CGN: variants seen among roughly 807,000 people sequenced by gnomAD.
The protein encoded by CGN is cingulin.
CGN carries 121 observed loss-of-function variants against 157.1 expected under a neutral mutation model. The observed-to-expected ratio is 0.77, with a 90% CI of 0.66 to 0.90. The LOEUF is 0.90. Among genes scored for constraint, CGN ranks in the 40% least tolerant of loss-of-function variants. The pLI is 0.00. For missense variants in CGN, 1,424 were observed against 1,520.9 expected (o/e 0.94, Z 1.06); for synonymous variants, 535 against 607.5 (o/e 0.88, Z 1.76).
chr1:151,534,270 A>C, intron 15 of CGN, 134 bp downstream of exon 15: 1 of 865,760 alleles, frequency 1.2e-6, no homozygotes, highest in African/African-American at 1.8e-5. Context: ...CTTTGAATCA[A>C]TTGCCAATGT....
intron 18 of CGN, 90 bp from the exon 19 acceptor site, chr1:151,536,147 C>T (rs1470727361): frequency 2.3e-6 from 2 of 852,064 alleles, no homozygotes; most frequent in Non-Finnish European, 4.0e-6. Context: ...GAGCTCATGG[C>T]TGAGAGGAGT....
intron 1 of CGN, among the ~76,000 whole-genome samples, 195 bp from the exon 2 acceptor site, chr1:151,518,311 C>A (rs1410004167): frequency 6.6e-6 from 1 of 152,088 alleles, no homozygotes; most frequent in Non-Finnish European, 1.5e-5. Flanking sequence ...AAGTCCTAAC[C>A]CAGACCTACT....
Position 151,536,789 on chromosome 1 carries a change from G to A in CGN, c.3366G>A (p.Glu1122=). The change falls in exon 20 of 21, where the codon GAG becomes GAA. Residue 1122 remains glutamate, a synonymous_variant. Transcript: ENST00000271636. Reference sequence around the variant, plus strand: ...TGGATGAAGCAGAAGAGGAAATTGAGCGACTGGACGGCCTGAGGAAGAAGG... The same window carrying A: ...TGGATGAAGCAGAAGAGGAAATTGAACGACTGGACGGCCTGAGGAAGAAGG... ...RQVDEAEEEI[E]RLDGLRKKAQ... 6.2e-7 allele frequency: 1 copy of A among 1,614,158 alleles called. No individual in the cohort carries two copies. The highest frequency in any genetic ancestry group is 1.3e-5 in the African/African-American group (1 of 75,044).
Position 151,518,965 on chromosome 1 carries a change from C to A in CGN, c.446C>A (p.Pro149His), listed in dbSNP as rs764673258. ...CTGGCAGGCCCTGGCCCAGTGGATC[C>A]TAGTAACAGAAGCAACAGCATGCTG... ...ASLAGPGPVD[P>H]SNRSNSMLEL... Residue 149 changes from proline (P) to histidine (H), a missense_variant, in exon 2 of 21, where the codon CCT becomes CAT. Transcript: ENST00000271636. The A allele has an allele frequency of 5.6e-6, 9 of 1,614,040 alleles. No individual in the cohort carries two copies. Among genetic ancestry groups the A allele is most frequent in the Admixed American group, 1.7e-5 (1 of 60,004 alleles).
intron 4 of CGN, 52 bp downstream of exon 4, chr1:151,520,535 G>T: frequency 6.2e-7 from 1 of 1,610,418 alleles, no homozygotes; most frequent in South Asian, 1.1e-5. Flanking sequence ...AGCTTTGAGG[G>T]CCTCAGGGGA....
chr1:151,535,715 G>T, intron 17 of CGN, 32 bp downstream of exon 17: 1 of 1,608,856 alleles, frequency 6.2e-7, no homozygotes, highest in Non-Finnish European at 8.5e-7. Flanking sequence ...CTTAGGGATG[G>T]ACCCCAGGAG....
chr1:151,521,970 A>T (rs1364526608), intron 5 of CGN, among the ~76,000 whole-genome samples: 2 of 152,218 alleles, frequency 1.3e-5, no homozygotes, highest in African/African-American at 4.8e-5. Flanking sequence ...AAATTGGAGG[A>T]TCTGCTTCTA....
In CGN at chr1:151,511,735, C is replaced by T. The variant is rs1373427973; in HGVS notation, c.-15+220C>T. 6.6e-6 allele frequency among the ~76,000 whole-genome samples: 1 copy of T among 152,122 alleles called. No homozygotes were observed. Among genetic ancestry groups the T allele is most frequent in the Non-Finnish European group, 1.5e-5 (1 of 67,992 alleles). On this transcript the variant is annotated intron_variant, in intron 1 of 20. Coordinates refer to ENST00000271636, the MANE Select transcript of CGN (RefSeq NM_020770.3). This position sits in a 1 kb window ranked among gnomAD's most constrained non-coding sequence, Gnocchi z 4.8. ...TGCAGGTGGCTAGGAAGGTGCCAGG[C>T]GAGGGGCACCTGGGGCGAAGGCTGT...
intron 1 of CGN, among the ~76,000 whole-genome samples, 151 bp from the exon 2 acceptor site, chr1:151,518,355 C>T (rs1023240599): frequency 3.9e-5 from 6 of 151,972 alleles, no homozygotes; most frequent in South Asian, 4.2e-4. Context: ...GTCCAGCAAC[C>T]GGTATGTTAA....
chr1:151,514,338 A>C (rs1664361928), intron 1 of CGN, among the ~76,000 whole-genome samples: 1 of 152,190 alleles, frequency 6.6e-6, no homozygotes, highest in Non-Finnish European at 1.5e-5. Context: ...CAGTAGATGT[A>C]CTGACAGGGT....
At chr1:151,526,457 GAGCCAC>G (rs1664683380) in intron 9 of CGN, among the ~76,000 whole-genome samples, 1 of 151,190 alleles carries the variant, frequency 6.6e-6, no homozygotes, top group Non-Finnish European at 1.5e-5. Flanking sequence ...TTACAGGCGT[GAGCCAC>G]TGCACCCAGT....
Position 151,524,923 on chromosome 1 carries a change from C to G in CGN, c.1614+37C>G, listed in dbSNP as rs944457625. The G allele has an allele frequency of 6.4e-7, 1 of 1,555,596 alleles. No individual in the cohort carries two copies. The highest frequency in any genetic ancestry group is 1.4e-5 in the African/African-American group (1 of 73,414). On this transcript the variant is annotated intron_variant, in intron 8 of 20. Coordinates refer to ENST00000271636, the MANE Select transcript of CGN (RefSeq NM_020770.3). The surrounding 1 kb of genome is among the most constrained non-coding windows in gnomAD (Gnocchi z 4.4). ...GAGCAGGGTCTGAGAGAGGAGGGCA[C>G]TGCTGGAGAACAAGGCTGCCTTGGG... is the stretch of plus-strand genomic sequence containing the variant.
Position 151,532,518 on chromosome 1 carries a change from T to C in CGN, c.2688T>C (p.Asp896=). 1 of 1,603,010 alleles carries C rather than the reference T, an allele frequency of 6.2e-7. No individual in the cohort carries two copies. The highest frequency in any genetic ancestry group is 8.5e-7 in the Non-Finnish European group (1 of 1,175,758). ...EVADAQRQAK[D]WASEAEKTSG... is the part of the protein sequence containing the mutation. ...CAGATGCCCAGCGCCAGGCCAAGGATTGGGCCAGTGAGGCTGAGAAGACCT... is the reference window on the plus strand; with the variant it reads ...CAGATGCCCAGCGCCAGGCCAAGGACTGGGCCAGTGAGGCTGAGAAGACCT... The change falls in exon 14 of 21, where the codon GAT becomes GAC. Residue 896 remains aspartate (D), a synonymous_variant. Coordinates refer to ENST00000271636, the MANE Select transcript of CGN (RefSeq NM_020770.3).
intron 1 of CGN, among the ~76,000 whole-genome samples, chr1:151,513,557 GT>G: frequency 6.6e-6 from 1 of 152,208 alleles, no homozygotes; most frequent in Admixed American, 6.5e-5. Flanking sequence ...AAGTTCTCCC[GT>G]TTTCTAAATC....
Position 151,525,781 on chromosome 1 carries a change from C to A in CGN, c.1754C>A (p.Thr585Asn). The A allele has an allele frequency of 6.2e-7, 1 of 1,600,332 alleles. No homozygotes were observed. Residue 585 changes from threonine (T) to asparagine (N), a missense_variant, in exon 9 of 21, where the codon ACC (threonine) becomes AAC (asparagine). Thr to Asn is a moderately conservative substitution (Grantham distance 65). Around this residue, in one of 3 missense-constraint regions of CGN, gnomAD observed 1,187 missense variants for 1,217.6 expected, o/e 0.97. Coordinates refer to ENST00000271636, the MANE Select transcript of CGN (RefSeq NM_020770.3). ...FQKNKEDLRA[T>N]KQELLQLRME... Reference sequence around the variant, plus strand: ...AAGAACAAGGAGGATCTTAGAGCCACCAAGCAGGAGTAAGGACATTGGCCC... The same window carrying A: ...AAGAACAAGGAGGATCTTAGAGCCAACAAGCAGGAGTAAGGACATTGGCCC...
Position 151,520,625 on chromosome 1 carries a change from G to A in CGN, c.1074G>A (p.Val358=), listed in dbSNP as rs1290073699. 1 of 1,614,208 alleles carries A rather than the reference G, an allele frequency of 6.2e-7. No homozygotes were observed. Among genetic ancestry groups the A allele is most frequent in the Non-Finnish European group, 8.5e-7 (1 of 1,180,030 alleles). The change falls in exon 5 of 21, where the codon GTG becomes GTA. Residue 358 remains valine (V), a synonymous_variant. Coordinates refer to ENST00000271636, the MANE Select transcript of CGN (RefSeq NM_020770.3). ...VMVSSGSTKA[V]AGQGELTRKV... ...TTTCTTCTGGTTCTACTAAGGCCGT[G>A]GCAGGGCAGGGTGAGCTTACCCGAA...
intron 10 of CGN, 123 bp from the exon 11 acceptor site, chr1:151,529,227 A>G (rs1387922624): frequency 1.6e-5 from 12 of 740,364 alleles, no homozygotes; most frequent in Admixed American, 2.7e-5. Flanking sequence ...CTGCCAAACT[A>G]CTTTCCAAAG....
chr1:151,533,987 C>T lies in CGN; in HGVS notation c.2755C>T (p.Arg919Trp), dbSNP rs757845776. The change falls in exon 15 of 21, where the codon CGG (arginine) becomes TGG (tryptophan). Residue 919 changes from arginine (R) to tryptophan (W), a missense_variant. Around this residue, in one of 3 missense-constraint regions of CGN, gnomAD observed 1,187 missense variants for 1,217.6 expected, o/e 0.97. Transcript: ENST00000271636. ...ACCCCCTGCCCAGATCCAGAGGCTG[C>T]GGCAGGCCCTGCAGGCATCCCAGGC... ...SRLQDEIQRL[R>W]QALQASQAER... is the part of the protein sequence containing the mutation. 2.0e-5 allele frequency: 32 copies of T among 1,607,842 alleles called. No homozygotes were observed. The highest frequency in any genetic ancestry group is 1.9e-4 in the Middle Eastern group (1 of 5,296).
intron 17 of CGN, 21 bp from the exon 18 acceptor site, chr1:151,535,759 G>A: frequency 6.2e-7 from 1 of 1,612,194 alleles, no homozygotes; most frequent in South Asian, 1.1e-5. Flanking sequence ...GCTAACTGTG[G>A]AGGCTTCCTG....
Sources: allele counts gnomAD v4.1 joint callset (sites outside exome capture counted in the v4.1 genomes callset), GRCh38; gene constraint gnomAD v4.1.1; regional missense constraint gnomAD v4.1.1; non-coding constraint Gnocchi (gnomAD v3.1); transcripts MANE v1.5; gene names NCBI Gene and HGNC (gene_info 2026-07-23, HGNC 2026-07-21).